The following GPD2 variants were observed in gnomAD, a reference collection of about 807,000 sequenced individuals.
GPD2 encodes the protein glycerol-3-phosphate dehydrogenase, mitochondrial.
In GPD2, 54 loss-of-function variants were observed where a neutral mutation model predicts 82.4. That is an observed-to-expected ratio of 0.66 (90% CI 0.53 to 0.82). The LOEUF (loss-of-function observed/expected upper bound fraction) is 0.82. GPD2 is among the 40% of genes least tolerant of loss of function. GPD2 has a pLI of 0.00. For synonymous variants in GPD2, 288 were observed against 306.1 expected (o/e 0.94, Z 0.62); for missense variants, 748 against 896.2 (o/e 0.83, Z 2.11).
At chr2:156,483,459 C>T (rs961618581) in intron 2 of GPD2, among the ~76,000 whole-genome samples, 1 of 152,164 alleles carries the variant, frequency 6.6e-6, no homozygotes, top group Non-Finnish European at 1.5e-5. Context: ...TCTTTCCCTT[C>T]CCCTGAGGTA....
intron 1 of GPD2, among the ~76,000 whole-genome samples, chr2:156,463,583 A>G (rs775999230): frequency 1.3e-5 from 2 of 152,230 alleles, no homozygotes; most frequent in Non-Finnish European, 2.9e-5. Context: ...AGGCTAGCTC[A>G]TATATAGTTG....
At chr2:156,561,215 T>G (rs1435351847) in intron 9 of GPD2, among the ~76,000 whole-genome samples, 1 of 151,754 alleles carries the variant, frequency 6.6e-6, no homozygotes. Flanking sequence ...ACCCGGCTAA[T>G]TTTTGTATTT....
intron 16 of GPD2, among the ~76,000 whole-genome samples, chr2:156,581,267 A>G (rs1688014596): frequency 6.6e-6 from 1 of 152,148 alleles, no homozygotes; most frequent in Non-Finnish European, 1.5e-5. Context: ...CAACTTTAAA[A>G]TGCTGACCAT....
At chr2:156,557,731 T>G (rs1437397525) in intron 9 of GPD2, 149 bp downstream of exon 9, 1 of 681,026 alleles carries the variant, frequency 1.5e-6, no homozygotes, top group Admixed American at 2.1e-5. Context: ...GGGCCAAATT[T>G]TAACATAATG....
chr2:156,536,173 A>G (rs1686071576), intron 6 of GPD2, among the ~76,000 whole-genome samples: 2 of 152,230 alleles, frequency 1.3e-5, no homozygotes, highest in Non-Finnish European at 2.9e-5. Context: ...TTTAATGAAC[A>G]TACGGTCACG....
chr2:156,579,086 G>T lies in GPD2; in HGVS notation c.1881G>T (p.Arg627Ser). ...TCCATTATTTAATCTTGTGTTCCAG[G>T]TATAAGAAGAGATTTCATAAGTTTG... ...EISLLPSDID[R>S]YKKRFHKFDA... is the part of the protein sequence containing the mutation. Residue 627 changes from arginine (R) to serine (S), a missense_variant and splice_region_variant, in exon 15 of 17, where the codon AGG (arginine) becomes AGT (serine). Physicochemically the swap from Arg to Ser is moderately radical, Grantham distance 110. Around this residue, in one of 3 missense-constraint regions of GPD2, gnomAD observed 692 missense variants for 809.7 expected, o/e 0.85. Transcript: ENST00000438166. The T allele has an allele frequency of 6.3e-7, 1 of 1,597,424 alleles. No individual in the cohort carries two copies. The highest frequency in any genetic ancestry group is 2.2e-5 in the East Asian group (1 of 44,692).
chr2:156,453,989 G>T (rs1682706002), intron 1 of GPD2, among the ~76,000 whole-genome samples: 1 of 152,212 alleles, frequency 6.6e-6, no homozygotes, highest in South Asian at 2.1e-4. Flanking sequence ...CAGTAGTTGG[G>T]TAGATGACAG....
intron 1 of GPD2, among the ~76,000 whole-genome samples, chr2:156,451,309 CT>C (rs1375307823): frequency 6.6e-6 from 1 of 151,044 alleles, no homozygotes; most frequent in African/African-American, 2.4e-5. Context: ...CCCCCACCTC[CT>C]TTCCGGACAG....
intron 6 of GPD2, among the ~76,000 whole-genome samples, chr2:156,523,768 T>C (rs1246913777): frequency 1.3e-5 from 2 of 152,180 alleles, no homozygotes; most frequent in Non-Finnish European, 2.9e-5. Context: ...GGTCTTGAAC[T>C]CCTGGGCTCA....
the GPD2 span, among the ~76,000 whole-genome samples, chr2:156,413,001 G>T: frequency 6.6e-6 from 1 of 152,114 alleles, no homozygotes; most frequent in Non-Finnish European, 1.5e-5. Flanking sequence ...GGAGGCTGAG[G>T]CAGGAGGATT....
intron 6 of GPD2, among the ~76,000 whole-genome samples, chr2:156,525,264 G>A (rs1260693040): frequency 1.3e-5 from 2 of 152,172 alleles, no homozygotes; most frequent in South Asian, 2.1e-4. Context: ...TGGCCCTGGG[G>A]CACTTCCTGC....
At chr2:156,502,265 A>G (rs1023293070) in intron 3 of GPD2, among the ~76,000 whole-genome samples, 1 of 152,166 alleles carries the variant, frequency 6.6e-6, no homozygotes, top group Non-Finnish European at 1.5e-5. Context: ...AGGTGTTTTT[A>G]AGTATGACAG....
At chr2:156,564,850 A>C (rs74443354) in intron 9 of GPD2, among the ~76,000 whole-genome samples, 2,178 of 152,234 alleles carry the variant, frequency 0.014, 29 homozygotes, top group Non-Finnish European at 0.021. Context: ...GAATCCTAAG[A>C]TGTCAAGCAA....
the GPD2 span, among the ~76,000 whole-genome samples, chr2:156,407,544 T>G: frequency 6.6e-6 from 1 of 152,264 alleles, no homozygotes; most frequent in Non-Finnish European, 1.5e-5. Flanking sequence ...TAATAAGCAG[T>G]ACCCCAAGGC....
chr2:156,527,605 A>C (rs2675710), intron 6 of GPD2, among the ~76,000 whole-genome samples: 6 of 152,124 alleles, frequency 3.9e-5, no homozygotes, highest in African/African-American at 1.2e-4. Flanking sequence ...CATTCACTGG[A>C]AAGTGTTACT....
the GPD2 span, among the ~76,000 whole-genome samples, chr2:156,430,289 A>G: frequency 2.6e-5 from 4 of 152,130 alleles, no homozygotes; most frequent in East Asian, 3.9e-4. Flanking sequence ...TCTTCAGCAT[A>G]TTACTTAATA....
chr2:156,437,786 A>G (rs1384559689), intron 1 of GPD2, among the ~76,000 whole-genome samples: 2 of 152,164 alleles, frequency 1.3e-5, no homozygotes, highest in African/African-American at 4.8e-5. Context: ...TCAAAGATGC[A>G]ATGGCTTGGT....
intron 1 of GPD2, among the ~76,000 whole-genome samples, chr2:156,453,410 T>C (rs1682683473): frequency 6.6e-6 from 1 of 152,188 alleles, no homozygotes; most frequent in East Asian, 1.9e-4. Flanking sequence ...AATTCCAGAC[T>C]ACAGTAGATA....
chr2:156,469,981 A>C (rs548469441), intron 1 of GPD2, among the ~76,000 whole-genome samples: 1 of 152,222 alleles, frequency 6.6e-6, no homozygotes, highest in African/African-American at 2.4e-5. Context: ...AGTGAAAGTG[A>C]AGGAATAAAA....
Sources: gnomAD v4.1 joint callset for allele counts (sites outside exome capture counted in the v4.1 genomes callset) on GRCh38, gnomAD v4.1.1 for gene constraint, gnomAD v4.1.1 regional missense constraint, MANE v1.5 for transcripts, NCBI Gene and HGNC (gene_info 2026-07-23, HGNC 2026-07-21) for gene names.